Variants in PCDH15 observed in about 807,000 individuals in gnomAD.
The protein encoded by PCDH15 is protocadherin related 15.
PCDH15 carries 129 observed loss-of-function variants against 178.5 expected under a neutral mutation model. The ratio of observed to expected loss-of-function variants is 0.72; its 90% CI spans 0.63 to 0.84. The LOEUF (loss-of-function observed/expected upper bound fraction) is 0.84. Ranked by LOEUF, PCDH15 falls within the 40% of genes least tolerant of loss-of-function variation. The pLI is 0.00. For missense variants in PCDH15, 2,230 were observed against 2,099.9 expected, an observed-to-expected ratio of 1.06 and a Z score of -1.21; for synonymous variants, 800 against 732.0, an observed-to-expected ratio of 1.09 and a Z score of -1.50.
intron 2 of PCDH15, among the ~76,000 whole-genome samples, chr10:55,114,384 G>A (rs1457866646): frequency 6.6e-6 from 1 of 152,106 alleles, no homozygotes; most frequent in Non-Finnish European, 1.5e-5. Flanking sequence ...ATTTGCATTC[G>A]GTTACAATAT....
chr10:54,754,317 A>T (rs1946768253), intron 1 of PCDH15, among the ~76,000 whole-genome samples: 1 of 152,180 alleles, frequency 6.6e-6, no homozygotes, highest in Non-Finnish European at 1.5e-5. Flanking sequence ...GCCAAGGATG[A>T]ATTGGTGCTA....
chr10:54,124,833 C>A (rs147228031), intron 15 of PCDH15, among the ~76,000 whole-genome samples: 1 of 152,054 alleles, frequency 6.6e-6, no homozygotes, highest in Non-Finnish European at 1.5e-5. Context: ...TTTCTAGAAC[C>A]TTTCAAAGAT....
intron 3 of PCDH15, among the ~76,000 whole-genome samples, chr10:54,482,660 A>C (rs1379685492): frequency 6.6e-6 from 1 of 151,776 alleles, no homozygotes; most frequent in African/African-American, 2.4e-5. Context: ...AAAATAAAAA[A>C]GGGAAAGATT....
At chr10:54,857,635 T>C (rs1376751613) in intron 3 of PCDH15, among the ~76,000 whole-genome samples, 1 of 151,256 alleles carries the variant, frequency 6.6e-6, no homozygotes, top group Non-Finnish European at 1.5e-5. Flanking sequence ...TTTTTTTTTT[T>C]AGAGATAGGG....
At chr10:54,358,953 T>A (rs909312600) in intron 5 of PCDH15, among the ~76,000 whole-genome samples, 8 of 141,404 alleles carry the variant, frequency 5.7e-5, no homozygotes, top group Non-Finnish European at 1.1e-4. Flanking sequence ...TAGGTGGGAA[T>A]TGAACAATGA....
At chr10:54,773,366 C>T (rs1462029145) in intron 1 of PCDH15, among the ~76,000 whole-genome samples, 1 of 151,958 alleles carries the variant, frequency 6.6e-6, no homozygotes, top group African/African-American at 2.4e-5. Context: ...TAAATTAAAA[C>T]TATGCTTATC....
intron 26 of PCDH15, among the ~76,000 whole-genome samples, chr10:53,902,983 C>T (rs112216606): frequency 5.3e-5 from 8 of 152,166 alleles, no homozygotes; most frequent in African/African-American, 1.9e-4. Flanking sequence ...AAAAGATATA[C>T]ATTTCAACAT....
At chr10:55,243,641 A>C (rs370718056) in intron 1 of PCDH15, among the ~76,000 whole-genome samples, 1 of 152,206 alleles carries the variant, frequency 6.6e-6, no homozygotes, top group East Asian at 1.9e-4. Flanking sequence ...TGTGACTAGC[A>C]CAATGCAAGG....
At chr10:54,439,094 C>A (rs1223177224) in intron 3 of PCDH15, among the ~76,000 whole-genome samples, 1 of 151,434 alleles carries the variant, frequency 6.6e-6, no homozygotes, top group Non-Finnish European at 1.5e-5. Flanking sequence ...AATTCTGTAT[C>A]CATTCTATAT....
chr10:54,128,216 G>A lies in PCDH15; in HGVS notation c.1917+4659C>T, dbSNP rs149382765. Among the ~76,000 whole-genome samples the A allele has an allele frequency of 4.0e-3, 602 of 152,212 alleles. 3 individuals are homozygous for A. The highest frequency in any genetic ancestry group is 0.012 in the African/African-American group (505 of 41,542). On this transcript the variant is annotated intron_variant, in intron 15 of 37. Transcript: ENST00000644397. ...TAGTGGCACTGTATGGAATTCTAAC[G>A]TATCTTTTAGCTAATGTCCAGGTGG...
intron 2 of PCDH15, among the ~76,000 whole-genome samples, chr10:55,496,368 GC>G (rs149875133): frequency 0.023 from 3,449 of 151,858 alleles, 65 homozygotes; most frequent in Non-Finnish European, 0.034. Context: ...TAATAACACA[GC>G]TTTGATGAAT....
At chr10:54,022,806 T>C in intron 19 of PCDH15, 86 bp downstream of exon 19, 2 of 1,326,016 alleles carry the variant, frequency 1.5e-6, no homozygotes, top group Non-Finnish European at 2.2e-6. Context: ...GTATGTTGTA[T>C]TGTTACTTGC....
chr10:54,238,846 T>G (rs1272334954), intron 8 of PCDH15, among the ~76,000 whole-genome samples: 2 of 152,064 alleles, frequency 1.3e-5, no homozygotes, highest in Non-Finnish European at 2.9e-5. Flanking sequence ...TTCTAGTAAT[T>G]TCACTGAGGA....
chr10:54,170,898 A>AC (rs1473300852), intron 13 of PCDH15, among the ~76,000 whole-genome samples: 1 of 151,910 alleles, frequency 6.6e-6, no homozygotes. Context: ...CTGCTATTCT[A>AC]CTACTCCTCA....
intron 1 of PCDH15, among the ~76,000 whole-genome samples, chr10:55,295,924 C>T (rs1475479970): frequency 1.3e-5 from 2 of 152,024 alleles, no homozygotes; most frequent in African/African-American, 4.8e-5. Context: ...TTTCCCCACA[C>T]TTCAGACACT....
At chr10:54,645,771 A>G (rs1259894082) in intron 2 of PCDH15, among the ~76,000 whole-genome samples, 2 of 152,200 alleles carry the variant, frequency 1.3e-5, no homozygotes, top group African/African-American at 4.8e-5. Flanking sequence ...TGATGAAGAA[A>G]CATTAAATAT....
intron 1 of PCDH15, among the ~76,000 whole-genome samples, chr10:54,727,164 G>T (rs530462694): frequency 6.6e-6 from 1 of 151,130 alleles, no homozygotes; most frequent in East Asian, 2.0e-4. Flanking sequence ...ACCTGCACAT[G>T]GTACACTAAA....
intron 2 of PCDH15, among the ~76,000 whole-genome samples, chr10:55,041,295 G>T (rs1243381699): frequency 3.9e-5 from 6 of 152,060 alleles, no homozygotes; most frequent in South Asian, 2.1e-4. Flanking sequence ...CTTATCAAGA[G>T]CAGTGAGAAA....
chr10:55,072,517 C>A (rs1319058421), intron 2 of PCDH15, among the ~76,000 whole-genome samples: 1 of 151,930 alleles, frequency 6.6e-6, no homozygotes, highest in East Asian at 1.9e-4. Flanking sequence ...ATAAATTCCT[C>A]GACACATACA....
Sources: gnomAD v4.1 joint callset for allele counts (sites outside exome capture counted in the v4.1 genomes callset) on GRCh38, gnomAD v4.1.1 for gene constraint, MANE v1.5 for transcripts, NCBI Gene and HGNC (gene_info 2026-07-23, HGNC 2026-07-21) for gene names.